Variants in RBFOX1 observed in about 807,000 individuals in gnomAD.
RBFOX1 encodes RNA binding protein fox-1 homolog 1.
Under a neutral mutation model 57.7 loss-of-function variants are expected in RBFOX1, and 8 were observed. That is an observed-to-expected ratio of 0.14 (90% CI 0.08 to 0.25). The LOEUF is 0.25. Ranked by LOEUF, RBFOX1 falls within the 10% of genes least tolerant of loss-of-function variation. RBFOX1 has a pLI of 1.00. For missense variants in RBFOX1, 611 were observed against 548.5 expected (o/e 1.11, Z -1.14); for synonymous variants, 326 against 222.4 (o/e 1.47, Z -4.15).
chr16:5,524,904 C>T (rs1164588677), intron 2 of RBFOX1, among the ~76,000 whole-genome samples: 1 of 152,092 alleles, frequency 6.6e-6, no homozygotes, highest in Non-Finnish European at 1.5e-5. Context: ...TCTAACTTCC[C>T]AGCCCCACAA....
chr16:7,494,204 T>A (rs2067840138), intron 4 of RBFOX1, among the ~76,000 whole-genome samples: 2 of 152,214 alleles, frequency 1.3e-5, no homozygotes, highest in South Asian at 4.1e-4. Flanking sequence ...ATTCTCGTTT[T>A]GAGCATGGTG....
At chr16:5,919,704 C>T (rs538165442) in intron 4 of RBFOX1, among the ~76,000 whole-genome samples, 1 of 152,288 alleles carries the variant, frequency 6.6e-6, no homozygotes, top group East Asian at 1.9e-4. Context: ...GTGCCACCAC[C>T]ACCTTGATCT....
chr16:6,880,651 T>C (rs1439861962), intron 3 of RBFOX1, among the ~76,000 whole-genome samples: 2 of 152,102 alleles, frequency 1.3e-5, no homozygotes, highest in Non-Finnish European at 2.9e-5. Flanking sequence ...CCAAATAAAA[T>C]TAGCAGTAAA....
chr16:6,813,927 T>C (rs2089420498), intron 3 of RBFOX1, among the ~76,000 whole-genome samples: 1 of 152,154 alleles, frequency 6.6e-6, no homozygotes, highest in Non-Finnish European at 1.5e-5. Flanking sequence ...ATTTCCTTCC[T>C]CAAGTTACCC....
intron 4 of RBFOX1, among the ~76,000 whole-genome samples, chr16:7,261,872 G>T (rs1279266018): frequency 6.6e-6 from 1 of 152,124 alleles, no homozygotes; most frequent in Non-Finnish European, 1.5e-5. Flanking sequence ...AGGAGGCAAG[G>T]TTCCTTTGGG....
At chr16:5,983,427 G>T (rs1172796513) in intron 4 of RBFOX1, among the ~76,000 whole-genome samples, 3 of 152,176 alleles carry the variant, frequency 2.0e-5, no homozygotes, top group Non-Finnish European at 4.4e-5. Flanking sequence ...CAAGGAGTGT[G>T]TGAAGGAAAG....
intron 3 of RBFOX1, among the ~76,000 whole-genome samples, chr16:5,848,500 G>C (rs138298859): frequency 1.6e-4 from 25 of 152,266 alleles, no homozygotes; most frequent in African/African-American, 6.0e-4. Context: ...TCCAGGTTAA[G>C]AGACTGGCCT....
chr16:5,820,659 C>T (rs531404351), intron 3 of RBFOX1, among the ~76,000 whole-genome samples: 11 of 152,296 alleles, frequency 7.2e-5, no homozygotes, highest in African/African-American at 2.6e-4. Context: ...GCTCTGAAAT[C>T]ATTCCTCTGA....
chr16:7,336,617 C>A (rs987080273), intron 4 of RBFOX1, among the ~76,000 whole-genome samples: 12 of 152,202 alleles, frequency 7.9e-5, no homozygotes, highest in African/African-American at 2.9e-4. Context: ...AACTATAAGA[C>A]TATAATGAAG....
intron 3 of RBFOX1, among the ~76,000 whole-genome samples, chr16:6,873,632 C>G (rs555907087): frequency 2.0e-5 from 3 of 152,102 alleles, no homozygotes; most frequent in African/African-American, 7.2e-5. Context: ...AGATTTTACA[C>G]CAGCCATGAG....
intron 4 of RBFOX1, among the ~76,000 whole-genome samples, chr16:7,367,517 C>A (rs937353730): frequency 1.3e-5 from 2 of 152,166 alleles, no homozygotes; most frequent in African/African-American, 4.8e-5. Context: ...CTGCCTATAT[C>A]ATCGTGAAAC....
chr16:7,119,791 A>G (rs1268878915), intron 4 of RBFOX1, among the ~76,000 whole-genome samples: 1 of 152,148 alleles, frequency 6.6e-6, no homozygotes, highest in Non-Finnish European at 1.5e-5. Flanking sequence ...ATTTGATAAA[A>G]TTAATATTGA....
At position 6,910,837 on chromosome 16, in the gene RBFOX1, T is replaced by C. The variant is rs1246168257; in HGVS notation, c.-15-141220T>C. 6.6e-5 allele frequency among the ~76,000 whole-genome samples: 10 copies of C among 152,320 alleles called. No homozygotes were observed. The South Asian group carries it at 2.1e-3, about 32-fold the overall frequency. ...CAGTTGACTGGTATATCTAAGCTTA[T>C]ATCCAGAAGAATGCCTCCATTTCAT... On this transcript the variant is annotated intron_variant, in intron 3 of 15. Coordinates refer to ENST00000550418, the MANE Select transcript of RBFOX1 (RefSeq NM_018723.4).
At chr16:6,451,717 T>G (rs1452290986) in intron 2 of RBFOX1, among the ~76,000 whole-genome samples, 1 of 152,208 alleles carries the variant, frequency 6.6e-6, no homozygotes, top group Non-Finnish European at 1.5e-5. Flanking sequence ...CTGTGTTTCT[T>G]GGCTCACACC....
Position 6,897,809 on chromosome 16 carries a change from G to A in RBFOX1, c.-15-154248G>A, listed in dbSNP as rs1596502777. ...ATTCCGTCTCAAAAAATAAAAAAAG[G>A]CTAAGTCCTTAACATGGATTACAGA... is the stretch of plus-strand genomic sequence containing the variant. On this transcript the variant is annotated intron_variant, in intron 3 of 15. Transcript: ENST00000550418. Among the ~76,000 whole-genome samples the A allele has an allele frequency of 3.3e-5, 5 of 152,116 alleles. No individual in the cohort carries two copies. The East Asian group carries it at 5.8e-4, about 18-fold the overall frequency.
At chr16:5,424,178 C>T (rs1357191582) in intron 1 of RBFOX1, among the ~76,000 whole-genome samples, 6 of 152,174 alleles carry the variant, frequency 3.9e-5, no homozygotes, top group African/African-American at 7.2e-5. Context: ...CTCTCTCTCT[C>T]GTTCTCTCTC....
intron 4 of RBFOX1, among the ~76,000 whole-genome samples, chr16:7,459,612 G>A (rs1186116532): frequency 6.6e-6 from 1 of 152,176 alleles, no homozygotes; most frequent in South Asian, 2.1e-4. Flanking sequence ...TATTGCGGGG[G>A]GACAGTTCTA....
intron 3 of RBFOX1, among the ~76,000 whole-genome samples, chr16:5,675,243 C>T (rs1203395941): frequency 6.6e-6 from 1 of 152,082 alleles, no homozygotes; most frequent in Non-Finnish European, 1.5e-5. Flanking sequence ...CGCACACCCA[C>T]CCACACACAC....
chr16:6,934,152 G>A (rs115401404), intron 3 of RBFOX1, among the ~76,000 whole-genome samples: 1 of 152,084 alleles, frequency 6.6e-6, no homozygotes, highest in South Asian at 2.1e-4. Context: ...TGGGCTTCTG[G>A]TACAGAGTTT....
Sources: allele counts gnomAD v4.1 joint callset (sites outside exome capture counted in the v4.1 genomes callset), GRCh38; gene constraint gnomAD v4.1.1; transcripts MANE v1.5; gene names NCBI Gene and HGNC (gene_info 2026-07-23, HGNC 2026-07-21).